HIRA: variants seen among roughly 807,000 people sequenced by gnomAD.
The protein encoded by HIRA is histone cell cycle regulator.
Under a neutral mutation model 126.6 loss-of-function variants are expected in HIRA, and 13 were observed. The ratio of observed to expected loss-of-function variants is 0.10; its 90% CI spans 0.07 to 0.16. The LOEUF (loss-of-function observed/expected upper bound fraction) is 0.16, where lower values mean the gene tolerates loss of function less well. HIRA is among the 10% of genes least tolerant of loss of function. The pLI, the probability that HIRA is intolerant of heterozygous loss-of-function variation, is 1.00. For synonymous variants in HIRA, 511 were observed against 520.0 expected (o/e 0.98, Z 0.24); for missense variants, 834 against 1,314.4 (o/e 0.63, Z 5.65).
At chr22:19,390,566 T>G (rs922652044) in intron 9 of HIRA, among the ~76,000 whole-genome samples, 4 of 119,294 alleles carry the variant, frequency 3.4e-5, no homozygotes, top group African/African-American at 1.3e-4. Flanking sequence ...ACCACTGCAC[T>G]CCAGCCTGCT....
chr22:19,416,940 C>T (rs1333846420), intron 1 of HIRA, among the ~76,000 whole-genome samples: 2 of 152,206 alleles, frequency 1.3e-5, no homozygotes, highest in Non-Finnish European at 2.9e-5. Flanking sequence ...TGGCTCACAT[C>T]TGTAATCCCA....
At chr22:19,398,842 G>A (rs2089244460) in intron 5 of HIRA, among the ~76,000 whole-genome samples, 1 of 152,074 alleles carries the variant, frequency 6.6e-6, no homozygotes, top group African/African-American at 2.4e-5. Flanking sequence ...GGTAGCACAT[G>A]CCTGTATCCC....
At chr22:19,382,083 T>C (rs750992203) in intron 13 of HIRA, among the ~76,000 whole-genome samples, 12 of 152,218 alleles carry the variant, frequency 7.9e-5, no homozygotes, top group Non-Finnish European at 1.2e-4. Context: ...ACTTTGTATA[T>C]TTATGCTTTT....
chr22:19,395,010 T>C (rs1443654474), intron 7 of HIRA, among the ~76,000 whole-genome samples: 1 of 152,214 alleles, frequency 6.6e-6, no homozygotes, highest in African/African-American at 2.4e-5. Flanking sequence ...CTTGAGCCTG[T>C]TGCCTCACCC....
chr22:19,356,815 C>T, intron 19 of HIRA, 75 bp downstream of exon 19: 1 of 1,445,318 alleles, frequency 6.9e-7, no homozygotes, highest in East Asian at 2.3e-5. Flanking sequence ...TTCCCTGCCC[C>T]TGCAGTGAGG....
intron 1 of HIRA, among the ~76,000 whole-genome samples, chr22:19,418,953 A>ACAC (rs2089422103): frequency 6.8e-6 from 1 of 147,406 alleles, no homozygotes; most frequent in Admixed American, 6.8e-5. Context: ...CACACACACA[A>ACAC]GGCCTGTTTT....
intron 13 of HIRA, among the ~76,000 whole-genome samples, chr22:19,381,447 G>T (rs1363884518): frequency 6.6e-6 from 1 of 152,204 alleles, no homozygotes; most frequent in Non-Finnish European, 1.5e-5. Context: ...AATTTATCAA[G>T]TTAAGGAAGC....
At chr22:19,404,681 T>A (rs1483612690) in intron 5 of HIRA, among the ~76,000 whole-genome samples, 19 of 152,094 alleles carry the variant, frequency 1.2e-4, no homozygotes, top group Admixed American at 1.2e-3. Flanking sequence ...AGCTCCAGGC[T>A]CAATTTGAAG....
intron 24 of HIRA, among the ~76,000 whole-genome samples, chr22:19,349,719 A>C (rs1285404576): frequency 6.6e-6 from 1 of 152,232 alleles, no homozygotes; most frequent in Non-Finnish European, 1.5e-5. Context: ...ATTAAGGTAC[A>C]CCACAGTCAA....
At chr22:19,346,097 C>T (rs1333250527) in intron 24 of HIRA, among the ~76,000 whole-genome samples, 2 of 152,260 alleles carry the variant, frequency 1.3e-5, no homozygotes, top group Non-Finnish European at 2.9e-5. Flanking sequence ...GCTCTCCTAA[C>T]AAGCCTTCTT....
In HIRA at chr22:19,361,902, A is replaced by G. The variant is rs1277833504; in HGVS notation, c.1805T>C (p.Leu602Pro). Residue 602 changes from leucine (L) to proline (P), a missense_variant, in exon 16 of 25, where the codon CTG becomes CCG. Coordinates refer to ENST00000263208, the MANE Select transcript of HIRA (RefSeq NM_003325.4). ...RLKEQNLVKE[L>P]RPRDLLESSS... ...GCTCTCCAGGAGGTCTCGGGGCCTC[A>G]GCTCTTTCACAAGGTTCTGCTCTTT... The G allele has an allele frequency of 6.2e-7, 1 of 1,614,208 alleles. No individual in the cohort carries two copies. Among genetic ancestry groups the G allele is most frequent in the South Asian group, 1.1e-5 (1 of 91,076 alleles).
chr22:19,414,780 G>T (rs897872322), intron 1 of HIRA, among the ~76,000 whole-genome samples: 3 of 152,142 alleles, frequency 2.0e-5, no homozygotes, highest in Non-Finnish European at 4.4e-5. Flanking sequence ...CCAGCACTTT[G>T]GGAAGCCAAG....
At chr22:19,417,282 G>A (rs2089406657) in intron 1 of HIRA, among the ~76,000 whole-genome samples, 1 of 152,096 alleles carries the variant, frequency 6.6e-6, no homozygotes. Flanking sequence ...AACCAGTAGA[G>A]AAATGCAAGT....
intron 9 of HIRA, among the ~76,000 whole-genome samples, chr22:19,390,982 C>T (rs1035441332): frequency 9.9e-5 from 15 of 151,122 alleles, no homozygotes; most frequent in Admixed American, 9.2e-4. Flanking sequence ...AATTTTAGAA[C>T]TCTACTCATA....
chr22:19,401,959 C>T (rs1399540323), intron 5 of HIRA, among the ~76,000 whole-genome samples: 1 of 152,172 alleles, frequency 6.6e-6, no homozygotes, highest in African/African-American at 2.4e-5. Context: ...CACTGCCTCC[C>T]GCACCCTCCT....
At chr22:19,388,456 C>T (rs2089147964) in intron 10 of HIRA, 28 bp downstream of exon 10, 2 of 1,558,382 alleles carry the variant, frequency 1.3e-6, no homozygotes, top group African/African-American at 2.7e-5. Flanking sequence ...CTTTCTTAAC[C>T]TATTCCTGTA....
At position 19,361,830 on chromosome 22, in the gene HIRA, A is replaced by T. The variant is rs1228245556; in HGVS notation, c.1877T>A (p.Leu626Gln). The change falls in exon 16 of 25, where the codon CTG becomes CAG. Residue 626 changes from leucine to glutamine, a missense_variant. Leu to Gln is a moderately radical substitution (Grantham distance 113). Coordinates refer to ENST00000263208, the MANE Select transcript of HIRA (RefSeq NM_003325.4). ...EKVPLAKASS[L>Q]SKRKLELEVE... ...CTCAAGCTCAAGTTTTCGCTTGGAC[A>T]GTGAGGAAGCCTTAGCCAAAGGGAC... 1.2e-6 allele frequency: 2 copies of T among 1,614,190 alleles called. No individual in the cohort carries two copies. The highest frequency in any genetic ancestry group is 1.7e-6 in the Non-Finnish European group (2 of 1,180,040).
chr22:19,334,608 G>A (rs1362748679), intron 24 of HIRA, among the ~76,000 whole-genome samples: 5 of 151,592 alleles, frequency 3.3e-5, no homozygotes, highest in South Asian at 4.2e-4. Flanking sequence ...CCAACATGGC[G>A]AAACCCCATC....
Position 19,361,887 on chromosome 22 carries a change from A to T in HIRA, c.1820T>A (p.Leu607His). Residue 607 changes from leucine to histidine, a missense_variant, in exon 16 of 25, where the codon CTC (leucine) becomes CAC (histidine). Physicochemically the swap from Leu to His is moderately conservative, Grantham distance 99. This residue lies in a region of HIRA where 468 missense variants were observed against 574.2 expected (regional missense o/e 0.82). Coordinates refer to ENST00000263208, the MANE Select transcript of HIRA (RefSeq NM_003325.4). ...ATCGCTGTCACTGCTGCTCTCCAGG[A>T]GGTCTCGGGGCCTCAGCTCTTTCAC... ...NLVKELRPRD[L>H]LESSSDSDEK... The T allele has an allele frequency of 3.1e-6, 5 of 1,614,228 alleles. No homozygotes were observed. Among genetic ancestry groups the T allele is most frequent in the Non-Finnish European group, 4.2e-6 (5 of 1,180,042 alleles).
Sources: gnomAD v4.1 joint callset for allele counts (sites outside exome capture counted in the v4.1 genomes callset) on GRCh38, gnomAD v4.1.1 for gene constraint, gnomAD v4.1.1 regional missense constraint, MANE v1.5 for transcripts, NCBI Gene and HGNC (gene_info 2026-07-23, HGNC 2026-07-21) for gene names.